Variants in MYO10 observed in about 807,000 individuals in gnomAD.
The protein encoded by MYO10 is unconventional myosin-X.
Under a neutral mutation model 257.3 loss-of-function variants are expected in MYO10, and 133 were observed. That is an observed-to-expected ratio of 0.52 (90% CI 0.45 to 0.60). The LOEUF is 0.60. Ranked by LOEUF, MYO10 falls within the 20% of genes least tolerant of loss-of-function variation. MYO10 has a pLI of 0.00. For synonymous variants in MYO10, 1,104 were observed against 1,028.6 expected (o/e 1.07, Z -1.40); for missense variants, 2,399 against 2,635.7 (o/e 0.91, Z 1.97).
chr5:16,722,007 T>C (rs1040779770), intron 19 of MYO10, among the ~76,000 whole-genome samples: 1 of 152,182 alleles, frequency 6.6e-6, no homozygotes, highest in African/African-American at 2.4e-5. Context: ...AGTCCAACCA[T>C]AGATCATTCT....
chr5:16,770,878 C>G (rs981063492), intron 9 of MYO10, among the ~76,000 whole-genome samples: 1 of 152,202 alleles, frequency 6.6e-6, no homozygotes, highest in African/African-American at 2.4e-5. Context: ...AAGCGATTCT[C>G]CTGCTTTAGC....
At chr5:16,711,095 G>C (rs767069129) in intron 20 of MYO10, 26 bp downstream of exon 20, 2 of 1,613,312 alleles carry the variant, frequency 1.2e-6, no homozygotes, top group Non-Finnish European at 1.7e-6. Flanking sequence ...TGAAAAGAAA[G>C]AGAATCCAAT....
chr5:16,843,545 C>G (rs1345483726), intron 2 of MYO10, among the ~76,000 whole-genome samples: 1 of 152,168 alleles, frequency 6.6e-6, no homozygotes, highest in Non-Finnish European at 1.5e-5. Context: ...AGTGTTGGAA[C>G]AGGTCAGCTA....
At chr5:16,734,333 G>T (rs1739703017) in intron 19 of MYO10, among the ~76,000 whole-genome samples, 1 of 152,118 alleles carries the variant, frequency 6.6e-6, no homozygotes, top group African/African-American at 2.4e-5. Context: ...CCATGAATTT[G>T]ATATTCCCCA....
At position 16,815,297 on chromosome 5, in the gene MYO10, A is replaced by G. The variant is rs1162951278; in HGVS notation, c.279+2712T>C. Reference sequence around the variant, plus strand: ...TTCAATATTTTTTGGATTTTGGAATATTTGCATACTATGTACTGGTTAAGC... The same window carrying G: ...TTCAATATTTTTTGGATTTTGGAATGTTTGCATACTATGTACTGGTTAAGC... On this transcript the variant is annotated intron_variant, in intron 3 of 40. Coordinates refer to ENST00000513610, the MANE Select transcript of MYO10 (RefSeq NM_012334.3). 1.1e-5 allele frequency: 6 copies of G among 526,862 alleles called. No homozygotes were observed. The African/African-American group carries it at 1.2e-4, about 10-fold the overall frequency. 32.6% of individuals were successfully genotyped at this position (526,862 alleles called of 1,614,324 possible). A position where few individuals can be genotyped will look rare whatever the true frequency, so the allele number is the denominator to read the frequency against.
At chr5:16,844,691 T>C (rs1322053210) in intron 2 of MYO10, among the ~76,000 whole-genome samples, 1 of 152,144 alleles carries the variant, frequency 6.6e-6, no homozygotes, top group Non-Finnish European at 1.5e-5. Context: ...CCCTTAAAGC[T>C]ATGCAAAACC....
At chr5:16,668,549 G>T in intron 39 of MYO10, 81 bp from the exon 40 acceptor site, 1 of 1,161,602 alleles carries the variant, frequency 8.6e-7, no homozygotes, top group South Asian at 1.6e-5. Context: ...GACAGGCTTT[G>T]AGTGAAGTCC....
chr5:16,787,315 AAAC>A lies in MYO10; in HGVS notation c.468-3849_468-3847del, dbSNP rs1405878585. 3.3e-5 allele frequency among the ~76,000 whole-genome samples: 5 copies of A among 152,310 alleles called. 1 individual carries two copies. The highest frequency in any genetic ancestry group is 3.3e-4 in the Admixed American group (5 of 15,290). ...ATATTGGGCTGTGGAAGTGTTTTAC[AAAC>A]AACAGGGCAAAGAAGAAATATAATT... is the stretch of plus-strand genomic sequence containing the variant. On this transcript the variant is annotated intron_variant, in intron 4 of 40. Transcript: ENST00000513610.
intron 1 of MYO10, among the ~76,000 whole-genome samples, chr5:16,899,595 G>C (rs1745316799): frequency 6.8e-6 from 1 of 147,816 alleles, no homozygotes; most frequent in Non-Finnish European, 1.5e-5. Context: ...TCATGCCACA[G>C]CAGGCCTGGG....
At chr5:16,907,042 A>G (rs1745538726) in intron 1 of MYO10, among the ~76,000 whole-genome samples, 1 of 152,098 alleles carries the variant, frequency 6.6e-6, no homozygotes, top group South Asian at 2.1e-4. Context: ...TGAACCCGGA[A>G]GGTGGAGGTT....
chr5:16,772,373 T>C (rs1427358096), intron 9 of MYO10, among the ~76,000 whole-genome samples: 1 of 152,208 alleles, frequency 6.6e-6, no homozygotes, highest in Admixed American at 6.5e-5. Flanking sequence ...CCTCAGGTGA[T>C]CCACCCGCCT....
At chr5:16,863,055 G>A (rs376932576) in intron 2 of MYO10, among the ~76,000 whole-genome samples, 3 of 152,316 alleles carry the variant, frequency 2.0e-5, no homozygotes, top group African/African-American at 7.2e-5. Flanking sequence ...GGAAGAAGAG[G>A]TGTAGTCTAC....
chr5:16,822,338 A>G (rs773833546), intron 2 of MYO10, among the ~76,000 whole-genome samples: 3 of 152,236 alleles, frequency 2.0e-5, no homozygotes, highest in Non-Finnish European at 4.4e-5. Flanking sequence ...CACTCATTCA[A>G]GCAAATTTTT....
At chr5:16,739,374 A>T (rs1354179072) in intron 19 of MYO10, among the ~76,000 whole-genome samples, 3 of 152,056 alleles carry the variant, frequency 2.0e-5, no homozygotes, top group Admixed American at 2.0e-4. Context: ...ACATGTTCTT[A>T]TTGATTTGTG....
chr5:16,717,401 A>T (rs772152516), intron 19 of MYO10, among the ~76,000 whole-genome samples: 1 of 152,216 alleles, frequency 6.6e-6, no homozygotes, highest in Non-Finnish European at 1.5e-5. Context: ...TCTTCTGGAA[A>T]CACAGACATT....
chr5:16,668,464 T>G lies in MYO10; in HGVS notation c.5888A>C (p.Lys1963Thr). 1 of 1,603,780 alleles carries G rather than the reference T, an allele frequency of 6.2e-7. No homozygotes were observed. The highest frequency in any genetic ancestry group is 8.5e-7 in the Non-Finnish European group (1 of 1,175,616). ...GAGTTCCTGAGGGAAGCCACCTTCC[T>G]TGCACTGGTGGGCAAGAGTCAACAG... ...YGSTLFDVEC[K>T]EGGFPQELWL... is the part of the protein sequence containing the mutation. Residue 1963 changes from lysine to threonine, a missense_variant, in exon 40 of 41, where the codon AAG becomes ACG. By Grantham distance (78) the Lys-to-Thr change is moderately conservative. Coordinates refer to ENST00000513610, the MANE Select transcript of MYO10 (RefSeq NM_012334.3).
chr5:16,773,398 CCTTT>C (rs1243161251), intron 9 of MYO10, among the ~76,000 whole-genome samples: 2 of 152,042 alleles, frequency 1.3e-5, no homozygotes, highest in South Asian at 2.1e-4. Flanking sequence ...TAAATTTTTC[CCTTT>C]CTATGATTAA....
At chr5:16,747,223 C>G (rs995483209) in intron 19 of MYO10, among the ~76,000 whole-genome samples, 15 of 152,140 alleles carry the variant, frequency 9.9e-5, no homozygotes, top group African/African-American at 3.6e-4. Flanking sequence ...AAGATTGATA[C>G]ACATTAAAGA....
intron 4 of MYO10, among the ~76,000 whole-genome samples, chr5:16,784,728 C>T (rs1741522971): frequency 6.6e-6 from 1 of 152,164 alleles, no homozygotes; most frequent in African/African-American, 2.4e-5. Context: ...AAAGAGAAGT[C>T]CTGTGGAGTA....
Sources: allele counts gnomAD v4.1 joint callset (sites outside exome capture counted in the v4.1 genomes callset), GRCh38; gene constraint gnomAD v4.1.1; transcripts MANE v1.5; gene names NCBI Gene and HGNC (gene_info 2026-07-23, HGNC 2026-07-21).